Variants in ANKRD10 observed in about 807,000 individuals in gnomAD.
ANKRD10 encodes the protein ankyrin repeat domain 10, also known as ankyrin repeat domain-containing protein 10.
In ANKRD10, 14 loss-of-function variants were observed where a neutral mutation model predicts 27.0. That is an observed-to-expected ratio of 0.52 (90% CI 0.34 to 0.81). The LOEUF is 0.81. Among genes scored for constraint, ANKRD10 ranks in the 40% least tolerant of loss-of-function variants. ANKRD10 has a pLI of 0.01. For missense variants in ANKRD10, 493 were observed against 544.0 expected, an observed-to-expected ratio of 0.91 and a Z score of 0.93; for synonymous variants, 250 against 224.5, an observed-to-expected ratio of 1.11 and a Z score of -1.01.
At chr13:110,914,550 C>A (rs148087138) in intron 1 of ANKRD10, 175 bp downstream of exon 1, 53,088 of 922,042 alleles carry the variant, frequency 0.058, 1,817 homozygotes, top group Non-Finnish European at 0.066. Flanking sequence ...GCCGCGACTC[C>A]GGGCCGCGAG....
At chr13:110,880,871 C>T (rs149465902) in intron 5 of ANKRD10, among the ~76,000 whole-genome samples, 391 of 152,356 alleles carry the variant, frequency 2.6e-3, no homozygotes, top group African/African-American at 8.9e-3. Flanking sequence ...AACAGCACAA[C>T]GCAGAGTCGC....
At chr13:110,905,136 CAAAA>C (rs1250523083) in intron 3 of ANKRD10, 1 of 151,864 alleles carries the variant, frequency 6.6e-6, no homozygotes, top group African/African-American at 2.4e-5. Flanking sequence ...TAAGGTAAAA[CAAAA>C]AAGCTGATAT....
At chr13:110,885,490 T>C (rs2064904500) in intron 4 of ANKRD10, among the ~76,000 whole-genome samples, 3 of 151,662 alleles carry the variant, frequency 2.0e-5, no homozygotes, top group South Asian at 2.1e-4. Context: ...GGAGGTTGCA[T>C]TGAACAGAGA....
intron 4 of ANKRD10, among the ~76,000 whole-genome samples, chr13:110,884,560 A>T (rs1192821729): frequency 6.6e-5 from 10 of 152,202 alleles, no homozygotes; most frequent in Non-Finnish European, 1.3e-4. Context: ...TCACTGTTAC[A>T]CCTTGCTTTA....
intron 4 of ANKRD10, among the ~76,000 whole-genome samples, chr13:110,887,306 G>C (rs2064957646): frequency 6.6e-6 from 1 of 152,146 alleles, no homozygotes; most frequent in Non-Finnish European, 1.5e-5. Flanking sequence ...CATGAAAAAA[G>C]TCTTAGTTTC....
intron 4 of ANKRD10, among the ~76,000 whole-genome samples, chr13:110,887,708 G>C (rs1392427423): frequency 6.6e-6 from 1 of 152,188 alleles, no homozygotes; most frequent in Non-Finnish European, 1.5e-5. Flanking sequence ...ATGAACTTAG[G>C]CAAAGCTTGA....
chr13:110,910,321 A>C (rs567762959), intron 2 of ANKRD10, among the ~76,000 whole-genome samples: 2 of 152,338 alleles, frequency 1.3e-5, no homozygotes, highest in Admixed American at 1.3e-4. Context: ...TATGAGTAGA[A>C]AGCCAGGAAA....
intron 3 of ANKRD10, chr13:110,900,806 G>A: frequency 1.6e-6 from 1 of 639,014 alleles, no homozygotes; most frequent in South Asian, 1.6e-5. Flanking sequence ...TCACATATTT[G>A]CAGGCAACAT....
intron 2 of ANKRD10, among the ~76,000 whole-genome samples, chr13:110,907,527 G>A (rs929062246): frequency 6.6e-6 from 1 of 152,156 alleles, no homozygotes; most frequent in Non-Finnish European, 1.5e-5. Context: ...AAAAACAGTG[G>A]TAGATTAATT....
chr13:110,890,402 G>C (rs2065043345), intron 4 of ANKRD10, among the ~76,000 whole-genome samples: 1 of 152,118 alleles, frequency 6.6e-6, no homozygotes, highest in Non-Finnish European at 1.5e-5. Context: ...ACGAGTGGTG[G>C]GAGTGCAGGT....
chr13:110,892,115 T>C (rs983097860), intron 4 of ANKRD10, among the ~76,000 whole-genome samples: 9 of 150,254 alleles, frequency 6.0e-5, no homozygotes, highest in Non-Finnish European at 1.2e-4. Context: ...AACTCAAACC[T>C]ACCTTAAAAA....
Position 110,879,864 on chromosome 13 carries a change from C to A in ANKRD10, c.1036G>T (p.Gly346Cys). The A allele has an allele frequency of 6.2e-7, 1 of 1,614,226 alleles. No homozygotes were observed. The highest frequency in any genetic ancestry group is 8.5e-7 in the Non-Finnish European group (1 of 1,180,046). The change falls in exon 6 of 6, where the codon GGT becomes TGT. Residue 346 changes from glycine (G) to cysteine (C), a missense_variant. By Grantham distance (159) the Gly-to-Cys change is radical. Coordinates refer to ENST00000267339, the MANE Select transcript of ANKRD10 (RefSeq NM_017664.4). ...GGACTCCCGTTCAGGTGCAGAGAAC[C>A]GCACAACTCAGGGTTAGCTCTCAGG... ...KTLRANPELC[G>C]SLHLNGSPSS...
chr13:110,882,523 A>G (rs1300485620), intron 5 of ANKRD10, among the ~76,000 whole-genome samples: 3 of 152,238 alleles, frequency 2.0e-5, no homozygotes, highest in African/African-American at 7.2e-5. Context: ...GCTTGGATAA[A>G]GTTTAACAAA....
chr13:110,884,154 C>A (rs541004025), intron 4 of ANKRD10, among the ~76,000 whole-genome samples: 1 of 151,800 alleles, frequency 6.6e-6, no homozygotes, highest in African/African-American at 2.4e-5. Context: ...TAAGACAATT[C>A]TTAAATTTAC....
chr13:110,913,850 AGAT>A (rs2065795289), intron 1 of ANKRD10, among the ~76,000 whole-genome samples: 4 of 152,220 alleles, frequency 2.6e-5, no homozygotes, highest in Admixed American at 2.6e-4. Flanking sequence ...ATCTTATTTA[AGAT>A]TTCTGAGAGC....
Position 110,893,017 on chromosome 13 carries a change from A to T in ANKRD10, c.691+11T>A, listed in dbSNP as rs1340823366. On this transcript the variant is annotated intron_variant, in intron 4 of 5. Transcript: ENST00000267339. ...ATAAGTGTGCTCTTCCCACCCGCAA[A>T]GCGGTCTCACCTTCAGTTCTAGCTT... 1.3e-5 allele frequency: 21 copies of T among 1,612,852 alleles called. No individual in the cohort carries two copies. The highest frequency in any genetic ancestry group is 1.8e-5 in the Non-Finnish European group (21 of 1,179,442).
At chr13:110,914,645 T>TC (rs1366258854) in intron 1 of ANKRD10, 80 bp downstream of exon 1, 9 of 1,465,432 alleles carry the variant, frequency 6.1e-6, no homozygotes, top group Non-Finnish European at 8.2e-6. Flanking sequence ...ACGCCCCACG[T>TC]CCCCCGCACC....
At chr13:110,913,344 C>T (rs183966994) in intron 1 of ANKRD10, among the ~76,000 whole-genome samples, 8 of 152,292 alleles carry the variant, frequency 5.3e-5, no homozygotes, top group Admixed American at 3.3e-4. Flanking sequence ...TTTAAGGCTG[C>T]ACGCAGAAGC....
Position 110,879,426 on chromosome 13 carries a change from A to G in ANKRD10, c.*211T>C. On this transcript the variant is annotated 3_prime_UTR_variant, in exon 6 of 6. Transcript: ENST00000267339. Reference sequence around the variant, plus strand: ...CAAAAGTGCACCTTATAAAAAGGACACCTCACTGTAGAAACATCTATGCAC... The same window carrying G: ...CAAAAGTGCACCTTATAAAAAGGACGCCTCACTGTAGAAACATCTATGCAC... 1.8e-6 allele frequency: 1 copy of G among 544,568 alleles called. No individual in the cohort carries two copies. The highest frequency in any genetic ancestry group is 3.3e-6 in the Non-Finnish European group (1 of 305,506). The allele number at this position is 544,568 out of a possible 1,614,324, so 33.7% of individuals were successfully genotyped here.
Sources: allele counts gnomAD v4.1 joint callset (sites outside exome capture counted in the v4.1 genomes callset), GRCh38; gene constraint gnomAD v4.1.1; transcripts MANE v1.5; gene names NCBI Gene and HGNC (gene_info 2026-07-23, HGNC 2026-07-21).